FAM107B: variants seen among roughly 807,000 people sequenced by gnomAD.
FAM107B encodes protein FAM107B.
In FAM107B, 21 loss-of-function variants were observed where a neutral mutation model predicts 31.5. The observed-to-expected ratio is 0.67, with a 90% CI of 0.47 to 0.96. FAM107B has a LOEUF of 0.96. Ranked by LOEUF, FAM107B falls within the 40% of genes least tolerant of loss-of-function variation. The pLI, the probability that FAM107B is intolerant of heterozygous loss-of-function variation, is 0.00. For missense variants in FAM107B, 452 were observed against 377.1 expected (o/e 1.20, Z -1.64); for synonymous variants, 157 against 141.5 (o/e 1.11, Z -0.78).
At chr10:14,669,139 G>A (rs942047660) in intron 1 of FAM107B, among the ~76,000 whole-genome samples, 5 of 152,156 alleles carry the variant, frequency 3.3e-5, no homozygotes, top group East Asian at 3.9e-4. Flanking sequence ...AGGCCGAGGC[G>A]GGTGGATTGC....
intron 1 of FAM107B, among the ~76,000 whole-genome samples, chr10:14,726,604 G>A (rs1305261263): frequency 2.0e-5 from 3 of 152,154 alleles, no homozygotes; most frequent in Admixed American, 1.3e-4. Context: ...TAGCCACGTG[G>A]CAGCTAGAAA....
At chr10:14,686,028 C>T (rs1025969986) in intron 1 of FAM107B, among the ~76,000 whole-genome samples, 2 of 152,078 alleles carry the variant, frequency 1.3e-5, no homozygotes, top group Non-Finnish European at 2.9e-5. Context: ...CTAGGGGACC[C>T]CACCCCCCTG....
Position 14,535,950 on chromosome 10 carries a change from G to A in FAM107B, c.470-5435C>T, listed in dbSNP as rs188516830. Among the ~76,000 whole-genome samples the A allele has an allele frequency of 2.5e-3, 374 of 152,200 alleles. 4 individuals carry two copies. Among genetic ancestry groups the A allele is most frequent in the Middle Eastern group, 6.8e-3 (2 of 294 alleles). On this transcript the variant is annotated intron_variant, in intron 2 of 4. Transcript: ENST00000181796. ...TTTTTCCCTTTCCAAAGTTCACTCC[G>A]GGCCCAGCTCTCTGGCTATCCCAGG...
intron 2 of FAM107B, among the ~76,000 whole-genome samples, chr10:14,581,345 T>C (rs964180662): frequency 6.6e-5 from 10 of 152,226 alleles, no homozygotes; most frequent in Admixed American, 5.2e-4. Flanking sequence ...AAGAGGCCAA[T>C]GTGGCTGCGG....
At chr10:14,572,997 G>A (rs1381235179) in intron 2 of FAM107B, among the ~76,000 whole-genome samples, 2 of 151,908 alleles carry the variant, frequency 1.3e-5, no homozygotes, top group Non-Finnish European at 2.9e-5. Context: ...AGCAGCAAGA[G>A]TGGAATTACC....
intron 2 of FAM107B, among the ~76,000 whole-genome samples, chr10:14,537,868 C>T (rs1847802278): frequency 2.0e-5 from 3 of 149,856 alleles, no homozygotes; most frequent in South Asian, 2.1e-4. Flanking sequence ...ATGCACCAAA[C>T]GCAATGCCTA....
At chr10:14,726,412 T>G (rs1856037657) in intron 1 of FAM107B, among the ~76,000 whole-genome samples, 1 of 152,124 alleles carries the variant, frequency 6.6e-6, no homozygotes. Flanking sequence ...GCAGAACAGG[T>G]GCAGCAGGAC....
At chr10:14,625,722 G>A (rs1853143165) in intron 2 of FAM107B, among the ~76,000 whole-genome samples, 1 of 151,908 alleles carries the variant, frequency 6.6e-6, no homozygotes, top group Non-Finnish European at 1.5e-5. Context: ...TGGTTTCAGA[G>A]TCCAGTGCTA....
chr10:14,726,856 T>A (rs1159321155), intron 1 of FAM107B, among the ~76,000 whole-genome samples: 2 of 152,132 alleles, frequency 1.3e-5, no homozygotes, highest in Non-Finnish European at 2.9e-5. Flanking sequence ...ATGATTCAAG[T>A]GCATTACATT....
chr10:14,695,212 G>T (rs1476543935), intron 1 of FAM107B, among the ~76,000 whole-genome samples: 1 of 152,066 alleles, frequency 6.6e-6, no homozygotes, highest in African/African-American at 2.4e-5. Flanking sequence ...TCATTTTCTT[G>T]CATGTGGAAA....
At chr10:14,666,383 T>C (rs1854403917) in intron 2 of FAM107B, among the ~76,000 whole-genome samples, 1 of 152,070 alleles carries the variant, frequency 6.6e-6, no homozygotes, top group Admixed American at 6.5e-5. Flanking sequence ...CAGCCCCTTA[T>C]AAAACCATCA....
At chr10:14,554,264 G>T in intron 2 of FAM107B, 4 of 437,926 alleles carry the variant, frequency 9.1e-6, no homozygotes, top group Non-Finnish European at 1.2e-5. Flanking sequence ...GCAGTTCACA[G>T]CACTGCAGGC....
In FAM107B at chr10:14,651,926, C is replaced by A. The variant is rs1321073641; in HGVS notation, c.469+15708G>T. Among the ~76,000 whole-genome samples, 4 of 152,052 alleles carry A rather than the reference C, an allele frequency of 2.6e-5. No homozygotes were observed. In the East Asian group the frequency reaches 5.8e-4, roughly 22 times the overall value. On this transcript the variant is annotated intron_variant, in intron 2 of 4. Coordinates refer to ENST00000181796, the MANE Select transcript of FAM107B (RefSeq NM_031453.4). ...TTAGGAATATGTGTGAGAAATACAG[C>A]AAAGGAACTCAATAAGATTCATACA...
intron 2 of FAM107B, among the ~76,000 whole-genome samples, chr10:14,570,233 G>GGTGGGTGTGTGTGTGTGTGTGTGTGTGT (rs768204428): frequency 7.1e-6 from 1 of 140,340 alleles, no homozygotes; most frequent in Admixed American, 6.9e-5. Context: ...AAATGTGGTG[G>GGTGGGTGTGTGTGTGTGTGTGTGTGTGT]GTGTGTGTGT....
intron 1 of FAM107B, among the ~76,000 whole-genome samples, chr10:14,696,521 C>A (rs1855269083): frequency 6.6e-6 from 1 of 151,708 alleles, no homozygotes; most frequent in Admixed American, 6.6e-5. Flanking sequence ...AGTATTCTCT[C>A]TAGCTCTATT....
intron 1 of FAM107B, among the ~76,000 whole-genome samples, chr10:14,703,734 G>T (rs1473083358): frequency 1.3e-5 from 2 of 152,188 alleles, no homozygotes; most frequent in South Asian, 2.1e-4. Flanking sequence ...ACAAAATGTG[G>T]TATCCAATTC....
intron 2 of FAM107B, among the ~76,000 whole-genome samples, chr10:14,620,017 C>CTTTTTTTTTTTT (rs71388190): frequency 4.8e-5 from 4 of 83,900 alleles, no homozygotes; most frequent in African/African-American, 8.9e-5. Context: ...TTCTTTCTTT[C>CTTTTTTTTTTTT]TTTTTTTTTT....
intron 1 of FAM107B, among the ~76,000 whole-genome samples, chr10:14,696,745 T>C (rs1281371457): frequency 3.3e-5 from 5 of 152,178 alleles, no homozygotes; most frequent in Non-Finnish European, 7.3e-5. Flanking sequence ...GAAAGGTGTC[T>C]ATCTCAAACT....
intron 2 of FAM107B, among the ~76,000 whole-genome samples, chr10:14,607,933 T>G (rs1564598408): frequency 6.6e-6 from 1 of 152,172 alleles, no homozygotes. Flanking sequence ...ACCCATATAC[T>G]CCACTATGAC....
Sources: gnomAD v4.1 joint callset for allele counts (sites outside exome capture counted in the v4.1 genomes callset) on GRCh38, gnomAD v4.1.1 for gene constraint, MANE v1.5 for transcripts, NCBI Gene and HGNC (gene_info 2026-07-23, HGNC 2026-07-21) for gene names.